DLGAP2: variants seen among roughly 807,000 people sequenced by gnomAD.
DLGAP2 encodes disks large-associated protein 2.
DLGAP2 carries 26 observed loss-of-function variants against 100.3 expected under a neutral mutation model. The ratio of observed to expected loss-of-function variants is 0.26; its 90% CI spans 0.19 to 0.36. DLGAP2 has a LOEUF of 0.36. DLGAP2 is among the 10% of genes least tolerant of loss of function. The probability of loss-of-function intolerance (pLI) is 1.00; values close to 1 mark genes in which losing one functional copy is unlikely to be tolerated. For synonymous variants in DLGAP2, 886 were observed against 630.1 expected (o/e 1.41, Z -6.08); for missense variants, 1,858 against 1,453.2 (o/e 1.28, Z -4.53).
intron 2 of DLGAP2, among the ~76,000 whole-genome samples, chr8:1,172,371 C>T (rs1210995145): frequency 6.6e-6 from 1 of 151,566 alleles, no homozygotes; most frequent in African/African-American, 2.4e-5. Context: ...CTTGGAGTTG[C>T]TCTTCTCGAG....
intron 2 of DLGAP2, among the ~76,000 whole-genome samples, chr8:1,214,490 A>T (rs543029325): frequency 1.3e-5 from 2 of 152,318 alleles, no homozygotes; most frequent in East Asian, 3.9e-4. Context: ...TACGTAGGAG[A>T]TGCTGAAACA....
intron 3 of DLGAP2, among the ~76,000 whole-genome samples, chr8:1,262,155 C>G (rs75303686): frequency 0.032 from 4,887 of 152,314 alleles, 121 homozygotes; most frequent in South Asian, 0.094. Context: ...ATCTGTCAAA[C>G]AAACGCAACC....
chr8:1,650,848 A>T lies in DLGAP2; in HGVS notation c.1811-17481A>T, dbSNP rs1366613371. On this transcript the variant is annotated intron_variant, in intron 8 of 14. Transcript: ENST00000637795. ...CAGTTGCTGGAGCAGAGATGGGAGGAGAGTAGACACAGAAGCTTGGGTGAC... is the reference window on the plus strand; with the variant it reads ...CAGTTGCTGGAGCAGAGATGGGAGGTGAGTAGACACAGAAGCTTGGGTGAC... 2.7e-5 allele frequency among the ~76,000 whole-genome samples: 4 copies of T among 149,240 alleles called. No individual in the cohort carries two copies. In the East Asian group the frequency reaches 5.8e-4, roughly 22 times the overall value.
intron 2 of DLGAP2, among the ~76,000 whole-genome samples, chr8:1,164,758 G>A (rs563844886): frequency 1.3e-5 from 2 of 152,274 alleles, no homozygotes; most frequent in South Asian, 4.2e-4. Flanking sequence ...TGAGGTCTAT[G>A]TGAAAAGTCA....
intron 2 of DLGAP2, among the ~76,000 whole-genome samples, chr8:1,095,459 C>T (rs372169314): frequency 2.2e-4 from 34 of 152,256 alleles, no homozygotes; most frequent in African/African-American, 7.7e-4. Context: ...GACTTCCTGG[C>T]GGTGAGCACA....
rs80214691 is a variant in DLGAP2, at chr8:800,201, G to A, written c.18+62376G>A. On this transcript the variant is annotated intron_variant, in intron 1 of 14. Coordinates refer to ENST00000637795, the MANE Select transcript of DLGAP2 (RefSeq NM_001346810.2). Reference sequence around the variant, plus strand: ...GAGGTGTGGGTCCTGCCAGGCTCCAGGCCTGCGTGAGGACTTTGTGCGGCA... The same window carrying A: ...GAGGTGTGGGTCCTGCCAGGCTCCAAGCCTGCGTGAGGACTTTGTGCGGCA... Among the ~76,000 whole-genome samples the A allele has an allele frequency of 5.1e-3, 780 of 152,284 alleles. 9 individuals are homozygous for A. Among genetic ancestry groups the A allele is most frequent in the African/African-American group, 0.018 (747 of 41,550 alleles).
chr8:1,566,683 A>G (rs1802415690), intron 6 of DLGAP2, among the ~76,000 whole-genome samples: 1 of 152,248 alleles, frequency 6.6e-6, no homozygotes, highest in Non-Finnish European at 1.5e-5. Flanking sequence ...CACATCAGAC[A>G]GGGAGCCCTG....
At chr8:835,822 G>T (rs1796863107) in intron 1 of DLGAP2, among the ~76,000 whole-genome samples, 3 of 152,144 alleles carry the variant, frequency 2.0e-5, no homozygotes, top group African/African-American at 7.2e-5. Context: ...CCCCGTACCA[G>T]CCGGTCTGTG....
chr8:1,341,740 G>A (rs6558450), intron 3 of DLGAP2, among the ~76,000 whole-genome samples: 64,553 of 151,950 alleles, frequency 0.42, 16,253 homozygotes, highest in African/African-American at 0.71. Flanking sequence ...GGGCACGTTA[G>A]CAGGGTGTGC....
intron 3 of DLGAP2, among the ~76,000 whole-genome samples, chr8:1,385,141 T>G (rs374566659): frequency 1.2e-3 from 67 of 53,896 alleles, no homozygotes; most frequent in East Asian, 2.2e-3. Context: ...CCTGTGCCCG[T>G]CCCCTGAGAA....
chr8:1,444,106 C>T (rs1397537378), intron 3 of DLGAP2, among the ~76,000 whole-genome samples: 1 of 151,952 alleles, frequency 6.6e-6, no homozygotes, highest in Non-Finnish European at 1.5e-5. Context: ...AGCTCCAGTG[C>T]TTTTTGTCTC....
At chr8:823,727 C>A (rs1231874429) in intron 1 of DLGAP2, among the ~76,000 whole-genome samples, 1 of 152,132 alleles carries the variant, frequency 6.6e-6, no homozygotes, top group Non-Finnish European at 1.5e-5. Flanking sequence ...TGTTTGTCGT[C>A]GTTTTGTCTT....
chr8:1,407,205 G>C (rs1402847392), intron 3 of DLGAP2, among the ~76,000 whole-genome samples: 5 of 33,444 alleles, frequency 1.5e-4, no homozygotes, highest in Non-Finnish European at 2.5e-4. Context: ...CTCCGGAGTC[G>C]TGTATTGAGT....
chr8:774,160 C>T (rs1326596721), intron 1 of DLGAP2, among the ~76,000 whole-genome samples: 1 of 152,126 alleles, frequency 6.6e-6, no homozygotes, highest in East Asian at 1.9e-4. Flanking sequence ...TGAGAAGTGT[C>T]TGTTCATGTC....
chr8:1,224,236 A>G (rs968763773), intron 2 of DLGAP2, among the ~76,000 whole-genome samples: 1 of 152,294 alleles, frequency 6.6e-6, no homozygotes, highest in East Asian at 1.9e-4. Context: ...GGCACATTTA[A>G]TGTGGGTCAG....
intron 2 of DLGAP2, among the ~76,000 whole-genome samples, chr8:1,183,749 A>G (rs1396247069): frequency 6.6e-6 from 1 of 152,168 alleles, no homozygotes; most frequent in Non-Finnish European, 1.5e-5. Flanking sequence ...CATCTTTATT[A>G]ATGAATGTCT....
In DLGAP2 at chr8:1,200,644, G is replaced by A. The variant is rs149282295; in HGVS notation, c.74-58207G>A. 7.1e-4 allele frequency among the ~76,000 whole-genome samples: 108 copies of A among 152,336 alleles called. 2 individuals are homozygous for A. The highest frequency in any genetic ancestry group is 1.6e-4 in the Non-Finnish European group (11 of 68,032). The stretch of plus-strand genomic sequence containing the variant: ...CACTTGCGCTGGACGGCAAACTGCA[G>A]ATGTTGGTTTGACAAAGCCTCAGGG... On this transcript the variant is annotated intron_variant, in intron 2 of 14. Transcript: ENST00000637795.
chr8:1,184,262 T>G (rs1212350598), intron 2 of DLGAP2, among the ~76,000 whole-genome samples: 1 of 152,220 alleles, frequency 6.6e-6, no homozygotes, highest in Non-Finnish European at 1.5e-5. Flanking sequence ...ATATGAAGCA[T>G]TTGTGATTTA....
chr8:1,586,522 G>C (rs936219051), intron 6 of DLGAP2, among the ~76,000 whole-genome samples: 4 of 152,180 alleles, frequency 2.6e-5, no homozygotes, highest in African/African-American at 9.7e-5. Context: ...GGGTCATCAG[G>C]AGATTCTCAC....
Sources: gnomAD v4.1 joint callset for allele counts (sites outside exome capture counted in the v4.1 genomes callset) on GRCh38, gnomAD v4.1.1 for gene constraint, MANE v1.5 for transcripts, NCBI Gene and HGNC (gene_info 2026-07-23, HGNC 2026-07-21) for gene names.